Variants in C10orf143 observed in about 807,000 individuals in gnomAD.
C10orf143 encodes uncharacterized protein C10orf143.
At chr10:130,062,376 G>C (rs1026768905), downstream of C10orf143, among the ~76,000 whole-genome samples, 9 of 152,142 alleles carry the variant, frequency 5.9e-5, no homozygotes, top group African/African-American at 1.9e-4. Context: ...GGGAGAGGCG[G>C]ACTCACCCTC....
intron 3 of C10orf143, among the ~76,000 whole-genome samples, chr10:130,076,299 GCCT>G (rs1428641736): frequency 1.3e-5 from 2 of 152,102 alleles, no homozygotes; most frequent in African/African-American, 4.8e-5. Context: ...AAATGCTCTG[GCCT>G]CCTCCTCCTT....
intron 1 of C10orf143, among the ~76,000 whole-genome samples, chr10:130,101,849 C>CAAAAAAAAAAA (rs1413239919): frequency 7.4e-5 from 2 of 26,920 alleles, no homozygotes; most frequent in African/African-American, 1.4e-4. Context: ...GACTCTGTCT[C>CAAAAAAAAAAA]AAAAAAAAAA....
At chr10:130,049,154 C>T (rs993573308) in intron 3 of C10orf143, among the ~76,000 whole-genome samples, 3 of 152,220 alleles carry the variant, frequency 2.0e-5, no homozygotes, top group African/African-American at 4.8e-5. Flanking sequence ...AGCCCACTGC[C>T]CGGGCTTCCT....
At chr10:130,044,481 C>T (rs1205452613) in intron 3 of C10orf143, among the ~76,000 whole-genome samples, 1 of 152,170 alleles carries the variant, frequency 6.6e-6, no homozygotes, top group African/African-American at 2.4e-5. Flanking sequence ...CCAGCCAGGG[C>T]TGCCAGGGAG....
At chr10:130,107,789 G>A (rs776562311) in intron 1 of C10orf143, 105 of 1,242,664 alleles carry the variant, frequency 8.4e-5, no homozygotes, top group Middle Eastern at 7.6e-4. Flanking sequence ...AAGGTTAACC[G>A]ATCCTCACAG....
chr10:130,060,779 C>T (rs933692920), downstream of C10orf143, among the ~76,000 whole-genome samples: 12 of 134,462 alleles, frequency 8.9e-5, no homozygotes, highest in African/African-American at 2.0e-4. Context: ...GCCGAGATCA[C>T]GCCACTGCAC....
chr10:130,105,509 T>A lies in C10orf143; in HGVS notation c.69+5195A>T, dbSNP rs561865773. Among the ~76,000 whole-genome samples, 9 of 152,180 alleles carry A rather than the reference T, an allele frequency of 5.9e-5. No homozygotes were observed. In the South Asian group the frequency reaches 1.9e-3, roughly 32 times the overall value. ...ACTTTGGGAGGCTGAGGCAGGCGGA[T>A]CACCTGAGGTCAGGAGTTCGAGACC... On this transcript the variant is annotated intron_variant, in intron 1 of 3. Transcript: ENST00000637128.
rs549958630 is a variant in C10orf143 at position 130,072,406 on chromosome 10, C to T, written c.297+7160G>A. On this transcript the variant is annotated intron_variant, in intron 3 of 3. Transcript: ENST00000637128. The stretch of plus-strand genomic sequence containing the variant: ...TTCCTAATGGGCATTCTCATTCTTT[C>T]CTCTATGACTCCTAATTACACTTTT... Among the ~76,000 whole-genome samples, 6 of 152,292 alleles carry T rather than the reference C, an allele frequency of 3.9e-5. No homozygotes were observed. In the South Asian group the frequency reaches 6.2e-4, roughly 16 times the overall value.
chr10:130,094,038 G>A (rs188951556), intron 1 of C10orf143, among the ~76,000 whole-genome samples: 34 of 140,440 alleles, frequency 2.4e-4, no homozygotes, highest in Non-Finnish European at 4.1e-4. Context: ...AAATTATAAA[G>A]TGGATATCAC....
intron 3 of C10orf143, among the ~76,000 whole-genome samples, chr10:130,054,896 T>A (rs1350838205): frequency 6.6e-6 from 1 of 152,042 alleles, no homozygotes; most frequent in Non-Finnish European, 1.5e-5. Flanking sequence ...AGTCAAGAAA[T>A]AAATCCAACC....
At chr10:130,083,779 G>A (rs184802311) in intron 1 of C10orf143, among the ~76,000 whole-genome samples, 7 of 152,296 alleles carry the variant, frequency 4.6e-5, no homozygotes, top group Admixed American at 4.6e-4. Context: ...TACAGAGAGT[G>A]GATAGGAAAG....
At chr10:130,074,635 G>A (rs948316152) in intron 3 of C10orf143, among the ~76,000 whole-genome samples, 1 of 152,112 alleles carries the variant, frequency 6.6e-6, no homozygotes, top group African/African-American at 2.4e-5. Flanking sequence ...GAGATCACTG[G>A]GTTCCAAGGC....
chr10:130,073,713 T>C (rs1282148569), intron 3 of C10orf143, among the ~76,000 whole-genome samples: 1 of 152,186 alleles, frequency 6.6e-6, no homozygotes, highest in Non-Finnish European at 1.5e-5. Flanking sequence ...GAAGTCTAAA[T>C]TGAACTTGTT....
intron 1 of C10orf143, among the ~76,000 whole-genome samples, chr10:130,109,797 T>C (rs749590483): frequency 1.3e-5 from 2 of 151,878 alleles, no homozygotes; most frequent in Non-Finnish European, 2.9e-5. Context: ...AAATGCTGCC[T>C]GTATTAACTG....
At chr10:130,041,942 T>G (rs1328532257) in intron 3 of C10orf143, among the ~76,000 whole-genome samples, 1 of 152,112 alleles carries the variant, frequency 6.6e-6, no homozygotes, top group African/African-American at 2.4e-5. Context: ...TGTGTACACA[T>G]AACCACATAT....
intron 3 of C10orf143, among the ~76,000 whole-genome samples, chr10:130,043,961 G>A (rs1194235305): frequency 6.6e-6 from 1 of 151,902 alleles, no homozygotes; most frequent in Non-Finnish European, 1.5e-5. Context: ...CTGGGCACCT[G>A]GACAGTGCCC....
At chr10:130,070,950 C>T (rs890987472) in intron 3 of C10orf143, among the ~76,000 whole-genome samples, 1 of 151,990 alleles carries the variant, frequency 6.6e-6, no homozygotes, top group Non-Finnish European at 1.5e-5. Flanking sequence ...GAGTCTTGCT[C>T]CGTCACCCAG....
At chr10:130,037,869 T>C (rs1860562999) in intron 3 of C10orf143, among the ~76,000 whole-genome samples, 1 of 152,184 alleles carries the variant, frequency 6.6e-6, no homozygotes, top group South Asian at 2.1e-4. Flanking sequence ...GCTAAGCTCT[T>C]TATACTTTTC....
At chr10:130,080,564 T>C (rs929149293) in intron 1 of C10orf143, among the ~76,000 whole-genome samples, 18 of 152,172 alleles carry the variant, frequency 1.2e-4, no homozygotes, top group African/African-American at 4.1e-4. Flanking sequence ...CAGGAGGACC[T>C]CTGTAAACAG....
Sources: allele counts gnomAD v4.1 joint callset (sites outside exome capture counted in the v4.1 genomes callset), GRCh38; gene constraint gnomAD v4.1.1; transcripts MANE v1.5; gene names NCBI Gene and HGNC (gene_info 2026-07-23, HGNC 2026-07-21).